CNTN5: variants seen among roughly 807,000 people sequenced by gnomAD.
CNTN5 encodes the protein contactin 5.
CNTN5 carries 77 observed loss-of-function variants against 129.1 expected under a neutral mutation model. The observed-to-expected ratio is 0.60, with a 90% confidence interval of 0.50 to 0.72. CNTN5 has a LOEUF of 0.72. Among genes scored for constraint, CNTN5 ranks in the 30% least tolerant of loss-of-function variants. The pLI is 0.00. For synonymous variants in CNTN5, 509 were observed against 465.6 expected, an observed-to-expected ratio of 1.09 and a Z score of -1.20; for missense variants, 1,478 against 1,328.8, an observed-to-expected ratio of 1.11 and a Z score of -1.75.
At chr11:99,508,883 A>G (rs150382813) in intron 2 of CNTN5, among the ~76,000 whole-genome samples, 9,899 of 151,862 alleles carry the variant, frequency 0.065, 353 homozygotes, top group African/African-American at 0.097. Context: ...GTTTCACCAG[A>G]TTGGCCAGGC....
At chr11:100,159,705 G>A (rs981639618) in intron 13 of CNTN5, among the ~76,000 whole-genome samples, 1 of 151,896 alleles carries the variant, frequency 6.6e-6, no homozygotes, top group Admixed American at 6.6e-5. Flanking sequence ...AAGGTCGTTA[G>A]GTTCTCCTTC....
chr11:99,812,996 T>G (rs1418198312), intron 3 of CNTN5, among the ~76,000 whole-genome samples: 1 of 107,390 alleles, frequency 9.3e-6, no homozygotes, highest in East Asian at 2.2e-4. Flanking sequence ...TTTTACCAAC[T>G]GGTAAAATCT....
chr11:100,088,782 T>C (rs193259339), intron 13 of CNTN5, among the ~76,000 whole-genome samples: 24 of 152,196 alleles, frequency 1.6e-4, no homozygotes, highest in Non-Finnish European at 2.8e-4. Context: ...ACCAGATTAG[T>C]TCACTGACAA....
chr11:100,206,742 C>T (rs1948921388), intron 15 of CNTN5, among the ~76,000 whole-genome samples: 1 of 152,026 alleles, frequency 6.6e-6, no homozygotes, highest in Non-Finnish European at 1.5e-5. Flanking sequence ...AATATCAGAA[C>T]TTCTGCTTCC....
Position 100,358,409 on chromosome 11 carries a change from G to A in CNTN5, c.*2189G>A, listed in dbSNP as rs1391311105. The A allele has an allele frequency of 2.0e-5, 3 of 151,790 alleles. No individual in the cohort carries two copies. The highest frequency in any genetic ancestry group is 4.4e-5 in the Non-Finnish European group (3 of 67,798). 9.4% of individuals were successfully genotyped at this position (151,790 alleles called of 1,614,324 possible). On this transcript the variant is annotated 3_prime_UTR_variant, in exon 25 of 25. Coordinates refer to ENST00000524871, the MANE Select transcript of CNTN5 (RefSeq NM_014361.4). Reference sequence around the variant, plus strand: ...TATTCTTACAGGAATCAGAGATATGGAATGTTTTTACTTAACATACACAGA... The same window carrying A: ...TATTCTTACAGGAATCAGAGATATGAAATGTTTTTACTTAACATACACAGA...
rs1308289311 is a variant in CNTN5 at position 99,295,242 on chromosome 11, C to T, written c.-209-30104C>T. ...ATGAGCTAGCTGAAGTGTCTACTCA[C>T]TTGACTAAGTAGTATTTTCATTAAT... On this transcript the variant is annotated intron_variant, in intron 1 of 24. Transcript: ENST00000524871. Among the ~76,000 whole-genome samples, 4 of 152,300 alleles carry T rather than the reference C, an allele frequency of 2.6e-5. No homozygotes were observed. In the East Asian group the frequency reaches 5.8e-4, roughly 22 times the overall value.
chr11:100,313,662 A>G (rs1298357774), intron 21 of CNTN5, among the ~76,000 whole-genome samples: 2 of 151,988 alleles, frequency 1.3e-5, no homozygotes, highest in Non-Finnish European at 2.9e-5. Flanking sequence ...ATTTAAATCC[A>G]TGCTACCATA....
At chr11:99,492,614 A>G (rs893613541) in intron 2 of CNTN5, among the ~76,000 whole-genome samples, 1 of 152,194 alleles carries the variant, frequency 6.6e-6, no homozygotes, top group Non-Finnish European at 1.5e-5. Context: ...GAGAAAAAGT[A>G]AGATCTTTTC....
chr11:99,395,552 C>G (rs560752387), intron 2 of CNTN5, among the ~76,000 whole-genome samples: 3 of 151,812 alleles, frequency 2.0e-5, no homozygotes, highest in Non-Finnish European at 4.4e-5. Flanking sequence ...TTCATTAGAT[C>G]CTATTAGTCA....
At chr11:99,690,322 G>T (rs186992688) in intron 3 of CNTN5, among the ~76,000 whole-genome samples, 155 of 152,134 alleles carry the variant, frequency 1.0e-3, no homozygotes, top group African/African-American at 3.5e-3. Context: ...TGCTATTTTG[G>T]TTACTGTAGT....
At chr11:99,817,597 T>C (rs962161290) in intron 3 of CNTN5, among the ~76,000 whole-genome samples, 1 of 13,542 alleles carries the variant, frequency 7.4e-5, no homozygotes, top group East Asian at 6.4e-3. Context: ...TCTGGGATAG[T>C]TTTTTTTTTT....
chr11:100,301,870 T>C lies in CNTN5; in HGVS notation c.2620+2474T>C, dbSNP rs556993496. Among the ~76,000 whole-genome samples the C allele has an allele frequency of 2.0e-5, 3 of 151,788 alleles. No individual in the cohort carries two copies. In the East Asian group the frequency reaches 5.8e-4, roughly 30 times the overall value. On this transcript the variant is annotated intron_variant, in intron 20 of 24. Coordinates refer to ENST00000524871, the MANE Select transcript of CNTN5 (RefSeq NM_014361.4). ...AAATTAAAACCCTGTCAATTTATTC[T>C]ATATTCTAAAACATTATTTTAGCTG...
intron 6 of CNTN5, among the ~76,000 whole-genome samples, chr11:99,868,611 A>C (rs756553004): frequency 5.3e-5 from 8 of 152,196 alleles, no homozygotes; most frequent in Non-Finnish European, 8.8e-5. Flanking sequence ...CCCAACTTTG[A>C]AGAGTGCATC....
chr11:99,562,316 C>G (rs533893240), intron 3 of CNTN5, among the ~76,000 whole-genome samples: 1 of 151,968 alleles, frequency 6.6e-6, no homozygotes, highest in Non-Finnish European at 1.5e-5. Context: ...TCTTTGAGAT[C>G]TGCTCTAGAC....
intron 9 of CNTN5, among the ~76,000 whole-genome samples, chr11:100,050,376 CA>C (rs1942890164): frequency 6.6e-6 from 1 of 150,768 alleles, no homozygotes; most frequent in Non-Finnish European, 1.5e-5. Context: ...ATCACAAGAA[CA>C]AAAAACCAAA....
chr11:100,297,479 G>T, intron 18 of CNTN5, 146 bp from the exon 19 acceptor site: 1 of 655,866 alleles, frequency 1.5e-6, no homozygotes, highest in Non-Finnish European at 2.8e-6. Flanking sequence ...AGATTTGAAA[G>T]CAGGGTGTTT....
At chr11:99,092,839 G>A (rs529484739) in intron 1 of CNTN5, among the ~76,000 whole-genome samples, 13 of 152,048 alleles carry the variant, frequency 8.5e-5, no homozygotes, top group Admixed American at 7.2e-4. Context: ...TATCTGGGTG[G>A]TGTTATTATG....
intron 10 of CNTN5, among the ~76,000 whole-genome samples, chr11:100,065,039 C>T (rs1172384756): frequency 6.6e-6 from 1 of 152,048 alleles, no homozygotes; most frequent in Non-Finnish European, 1.5e-5. Flanking sequence ...GTCACTATGA[C>T]CTCTAGACAG....
At chr11:100,274,377 C>T (rs1441006811) in intron 18 of CNTN5, among the ~76,000 whole-genome samples, 1 of 152,122 alleles carries the variant, frequency 6.6e-6, no homozygotes. Context: ...CAAATGGGTT[C>T]TAATTAAACT....
Sources: gnomAD v4.1 joint callset for allele counts (sites outside exome capture counted in the v4.1 genomes callset) on GRCh38, gnomAD v4.1.1 for gene constraint, MANE v1.5 for transcripts, NCBI Gene and HGNC (gene_info 2026-07-23, HGNC 2026-07-21) for gene names.